The following GLRX2 variants were observed in gnomAD, a reference collection of about 807,000 sequenced individuals.
GLRX2 encodes glutaredoxin 2.
GLRX2 carries 12 observed loss-of-function variants against 16.4 expected under a neutral mutation model. The ratio of observed to expected loss-of-function variants is 0.73; its 90% CI spans 0.47 to 1.19. GLRX2 has a LOEUF of 1.19. GLRX2 is among the 50% of genes most tolerant of loss of function. The pLI is 0.00. For missense variants in GLRX2, 201 were observed against 201.8 expected (o/e 1.00, Z 0.02); for synonymous variants, 95 against 76.2 (o/e 1.25, Z -1.28).
At chr1:193,105,944 A>T, upstream of GLRX2, 7 of 1,033,954 alleles carry the variant, frequency 6.8e-6, no homozygotes, top group South Asian at 3.2e-4. Flanking sequence ...TCCGGTGTTG[A>T]AGGTTTACTC....
intron 2 of GLRX2, among the ~76,000 whole-genome samples, chr1:193,100,317 T>C (rs930205851): frequency 6.6e-6 from 1 of 151,924 alleles, no homozygotes; most frequent in African/African-American, 2.4e-5. Flanking sequence ...TCTACTAAAA[T>C]ACAAAAATAA....
rs199693744 is a variant in GLRX2 at position 193,101,211 on chromosome 1, G to T, written c.120-7C>A. The T allele has an allele frequency of 3.9e-4, 622 of 1,575,586 alleles. No individual in the cohort carries two copies. Among genetic ancestry groups the T allele is most frequent in the Non-Finnish European group, 5.1e-4 (584 of 1,145,540 alleles). On this transcript the variant is annotated splice_region_variant and splice_polypyrimidine_tract_variant and intron_variant, in intron 1 of 3. Coordinates refer to ENST00000367439, the MANE Select transcript of GLRX2 (RefSeq NM_197962.3). ...TGATGTATTGCTCTCCATCCTAAAA[G>T]GAATTTAAGAGAACAATGTAGTTTA...
chr1:193,100,495 A>G (rs34839876), intron 2 of GLRX2, among the ~76,000 whole-genome samples: 2,010 of 152,304 alleles, frequency 0.013, 42 homozygotes, highest in African/African-American at 0.045. Context: ...AAACAAACAA[A>G]TAAAAAAGCA....
At chr1:193,105,422 A>G (rs1480022133), upstream of GLRX2, 2 of 1,475,880 alleles carry the variant, frequency 1.4e-6, no homozygotes. Flanking sequence ...ACTGCCGGAC[A>G]CCGCGGATCC....
intron 1 of GLRX2, 33 bp downstream of exon 1, chr1:193,105,231 A>C (rs1285303867): frequency 3.3e-6 from 5 of 1,529,364 alleles, no homozygotes; most frequent in Admixed American, 1.9e-5. Flanking sequence ...CCTGCGCACC[A>C]CGCCGCGGCA....
intron 3 of GLRX2, among the ~76,000 whole-genome samples, chr1:193,097,378 C>A (rs528606204): frequency 1.3e-5 from 2 of 152,302 alleles, no homozygotes; most frequent in South Asian, 2.1e-4. Context: ...TACTCATCAA[C>A]CCCAGTCAAA....
chr1:193,099,956 A>G (rs1675039959), intron 2 of GLRX2, among the ~76,000 whole-genome samples: 1 of 152,194 alleles, frequency 6.6e-6, no homozygotes, highest in Non-Finnish European at 1.5e-5. Flanking sequence ...CACCAAAGCC[A>G]GTGCTCTTCC....
chr1:193,099,334 T>C (rs967181290), intron 2 of GLRX2, among the ~76,000 whole-genome samples: 1 of 152,114 alleles, frequency 6.6e-6, no homozygotes, highest in Non-Finnish European at 1.5e-5. Context: ...TGTCTAGGTT[T>C]TTTTTTGTTT....
intron 1 of GLRX2, among the ~76,000 whole-genome samples, chr1:193,102,717 G>A (rs180731250): frequency 6.6e-6 from 1 of 152,156 alleles, no homozygotes; most frequent in Non-Finnish European, 1.5e-5. Context: ...TCTTATCCTT[G>A]GATAATGAAC....
At chr1:193,103,614 G>A (rs1200925548) in intron 1 of GLRX2, among the ~76,000 whole-genome samples, 2 of 152,114 alleles carry the variant, frequency 1.3e-5, no homozygotes, top group East Asian at 3.8e-4. Context: ...GTCTTGGAAC[G>A]TGTCCACCAC....
chr1:193,097,345 T>C (rs1187341342), intron 3 of GLRX2, among the ~76,000 whole-genome samples: 1 of 152,180 alleles, frequency 6.6e-6, no homozygotes, highest in Non-Finnish European at 1.5e-5. Context: ...CAAAGATCCA[T>C]AGACAAGCAC....
chr1:193,103,177 A>G (rs1451289941), intron 1 of GLRX2, among the ~76,000 whole-genome samples: 2 of 150,556 alleles, frequency 1.3e-5, no homozygotes, highest in East Asian at 1.9e-4. Flanking sequence ...ACCTAATAGG[A>G]AAAAAAAAAT....
At chr1:193,102,865 T>C (rs1386566008) in intron 1 of GLRX2, among the ~76,000 whole-genome samples, 1 of 152,156 alleles carries the variant, frequency 6.6e-6, no homozygotes, top group Admixed American at 6.5e-5. Context: ...TCTTGAGCCA[T>C]CTAGCTTCCT....
intron 3 of GLRX2, 98 bp downstream of exon 3, chr1:193,097,486 G>A (rs1253558390): frequency 2.3e-6 from 2 of 878,116 alleles, no homozygotes; most frequent in Non-Finnish European, 3.3e-6. Context: ...TATCCTCAGA[G>A]AATGTCTGGC....
intron 1 of GLRX2, among the ~76,000 whole-genome samples, chr1:193,104,672 C>G (rs1289302638): frequency 1.3e-5 from 2 of 152,216 alleles, no homozygotes; most frequent in African/African-American, 4.8e-5. Context: ...CTGCAGGTCC[C>G]GAAGCCGCTG....
intron 1 of GLRX2, among the ~76,000 whole-genome samples, chr1:193,102,982 T>G (rs1675109371): frequency 1.3e-5 from 2 of 152,142 alleles, no homozygotes; most frequent in African/African-American, 4.8e-5. Context: ...TGTCACAGTG[T>G]GGTGATGCTT....
At chr1:193,101,477 A>G (rs1436738562) in intron 1 of GLRX2, among the ~76,000 whole-genome samples, 2 of 152,238 alleles carry the variant, frequency 1.3e-5, no homozygotes, top group African/African-American at 4.8e-5. Context: ...ACACACTCTT[A>G]TTTATAACTG....
chr1:193,102,773 C>A (rs12724659), intron 1 of GLRX2, among the ~76,000 whole-genome samples: 5 of 152,136 alleles, frequency 3.3e-5, no homozygotes, highest in African/African-American at 1.2e-4. Context: ...TTTCAGTTAT[C>A]CAAGGTCAGC....
At position 193,099,785 on chromosome 1, in the gene GLRX2, A is replaced by G. The variant is rs1434506755; in HGVS notation, c.183+1356T>C. On this transcript the variant is annotated intron_variant, in intron 2 of 3. Coordinates refer to ENST00000367439, the MANE Select transcript of GLRX2 (RefSeq NM_197962.3). Reference sequence around the variant, plus strand: ...AGCCCAGCTGTCTGCAAGTTGGTCTATTTTTATGATTCCCTTGTGTTTACT... The same window carrying G: ...AGCCCAGCTGTCTGCAAGTTGGTCTGTTTTTATGATTCCCTTGTGTTTACT... Among the ~76,000 whole-genome samples, 63 of 152,202 alleles carry G rather than the reference A, an allele frequency of 4.1e-4. 1 individual carries two copies. Among genetic ancestry groups the G allele is most frequent in the Admixed American group, 4.0e-3 (61 of 15,288 alleles).
Sources: allele counts gnomAD v4.1 joint callset (sites outside exome capture counted in the v4.1 genomes callset), GRCh38; gene constraint gnomAD v4.1.1; transcripts MANE v1.5; gene names NCBI Gene and HGNC (gene_info 2026-07-23, HGNC 2026-07-21).